The following PRPF40B variants were observed in gnomAD, a reference collection of about 807,000 sequenced individuals.
The protein encoded by PRPF40B is pre-mRNA-processing factor 40 homolog B.
In PRPF40B, 56 loss-of-function variants were observed where a neutral mutation model predicts 124.5. The ratio of observed to expected loss-of-function variants is 0.45; its 90% CI spans 0.36 to 0.56. The LOEUF (loss-of-function observed/expected upper bound fraction) is 0.56. PRPF40B is among the 20% of genes least tolerant of loss of function. The probability of loss-of-function intolerance (pLI) is 0.00; values close to 1 mark genes in which losing one functional copy is unlikely to be tolerated. For missense variants in PRPF40B, 1,053 were observed against 1,169.5 expected (o/e 0.90, Z 1.45); for synonymous variants, 443 against 426.4 (o/e 1.04, Z -0.48).
Position 49,633,523 on chromosome 12 carries a change from C to G in PRPF40B, c.556C>G (p.Pro186Ala), listed in dbSNP as rs1237979849. The change falls in exon 8 of 26, where the codon CCC becomes GCC. Residue 186 changes from proline (P) to alanine (A), a missense_variant. Around this residue, in one of 2 missense-constraint regions of PRPF40B, gnomAD observed 895 missense variants for 1,052.2 expected, o/e 0.85. Coordinates refer to ENST00000548825, the MANE Select transcript of PRPF40B (RefSeq NM_001031698.3). ...GAGTAAAGAGTCCCGCTGGACCCGG[C>G]CCAAGGATCTGGATGACCTAGAGGG... ...NQSKESRWTR[P>A]KDLDDLEVLV... The G allele has an allele frequency of 6.2e-7, 1 of 1,614,106 alleles. No homozygotes were observed. The highest frequency in any genetic ancestry group is 8.5e-7 in the Non-Finnish European group (1 of 1,180,046).
At chr12:49,633,363 G>C in intron 7 of PRPF40B, 64 bp from the exon 8 acceptor site, 2 of 1,606,528 alleles carry the variant, frequency 1.2e-6, no homozygotes, top group Non-Finnish European at 1.7e-6. Flanking sequence ...GGTCCCCTTA[G>C]CTCCCCTGAC....
intron 16 of PRPF40B, 123 bp downstream of exon 16, chr12:49,636,972 T>G: frequency 1.4e-6 from 2 of 1,405,406 alleles, no homozygotes. Flanking sequence ...CTGTCCAAGC[T>G]CTATGAGACC....
intron 9 of PRPF40B, 32 bp downstream of exon 9, chr12:49,633,693 T>C: frequency 1.2e-6 from 2 of 1,614,012 alleles, no homozygotes; most frequent in Non-Finnish European, 1.7e-6. Context: ...CCATTTATAG[T>C]TGGGGCACCT....
At position 49,641,970 on chromosome 12, in the gene PRPF40B, T is replaced by C. The variant is rs1329264821; in HGVS notation, c.1830T>C (p.Phe610=). 6.2e-7 allele frequency: 1 copy of C among 1,613,916 alleles called. No individual in the cohort carries two copies. Among genetic ancestry groups the C allele is most frequent in the East Asian group, 2.2e-5 (1 of 44,886 alleles). Residue 610 remains phenylalanine (F), a synonymous_variant, in exon 19 of 26, where the codon TTT becomes TTC. Transcript: ENST00000548825. ...AFEDFAHVIS[F]DKRAAALDAG... ...AGGACTTCGCCCACGTCATAAGCTT[T>C]GACAAGAGGGCTGCCGCACTGGACG... is the stretch of plus-strand genomic sequence containing the variant.
chr12:49,636,537 C>A, intron 15 of PRPF40B, 179 bp from the exon 16 acceptor site: 1 of 625,860 alleles, frequency 1.6e-6, no homozygotes, highest in Non-Finnish European at 2.7e-6. Context: ...ATTAATGATC[C>A]CCTCTTAAGA....
Position 49,632,995 on chromosome 12 carries a change from T to TGGGGGGGGGGCG in PRPF40B, c.349-18_349-17insGGGGGGGGGCGG. 7.3e-7 allele frequency: 1 copy of TGGGGGGGGGGCG among 1,365,452 alleles called. No homozygotes were observed. The highest frequency in any genetic ancestry group is 1.0e-6 in the Non-Finnish European group (1 of 979,270). 84.6% of individuals were successfully genotyped at this position (1,365,452 alleles called of 1,614,324 possible). The stretch of plus-strand genomic sequence containing the variant: ...AAAAGGGGCCTTGACCACCATTCTG[T>TGGGGGGGGGGCG]GCCCCCCCCCCCACCCAGAGGGCCC... On this transcript the variant is annotated intron_variant, in intron 6 of 25. Coordinates refer to ENST00000548825, the MANE Select transcript of PRPF40B (RefSeq NM_001031698.3).
chr12:49,635,696 TC>T lies in PRPF40B; in HGVS notation c.1276-144del. 1.0e-6 allele frequency: 1 copy of T among 989,676 alleles called. No individual in the cohort carries two copies. The highest frequency in any genetic ancestry group is 1.5e-6 in the Non-Finnish European group (1 of 675,022). 61.3% of individuals were successfully genotyped at this position (989,676 alleles called of 1,614,324 possible). On this transcript the variant is annotated intron_variant, in intron 14 of 25. Coordinates refer to ENST00000548825, the MANE Select transcript of PRPF40B (RefSeq NM_001031698.3). The surrounding 1 kb of genome is among the most constrained non-coding windows in gnomAD (Gnocchi z 4.1). ...TGAGAGATGGGTCTGTAACCTGTACTCCCTCCCCTTCCCTGAGACATGAAAG... is the reference window on the plus strand; with the variant it reads ...TGAGAGATGGGTCTGTAACCTGTACTCCTCCCCTTCCCTGAGACATGAAAG...
chr12:49,631,255 G>C lies in PRPF40B; in HGVS notation c.85-146G>C. 1 of 544,452 alleles carries C rather than the reference G, an allele frequency of 1.8e-6. No homozygotes were observed. Among genetic ancestry groups the C allele is most frequent in the Non-Finnish European group, 3.2e-6 (1 of 308,956 alleles). The allele number at this position is 544,452 out of a possible 1,614,324, so 33.7% of individuals were successfully genotyped here. Reference sequence around the variant, plus strand: ...GGAGGGAGGCAGTTTCATGCCTTGTGCTTCTCAAACTAAAGCCTTGGAATT... The same window carrying C: ...GGAGGGAGGCAGTTTCATGCCTTGTCCTTCTCAAACTAAAGCCTTGGAATT... On this transcript the variant is annotated intron_variant, in intron 2 of 25. Transcript: ENST00000548825. This position sits in a 1 kb window ranked among gnomAD's most constrained non-coding sequence, Gnocchi z 4.3.
intron 7 of PRPF40B, 68 bp downstream of exon 7, chr12:49,633,192 T>A: frequency 1.4e-6 from 2 of 1,399,760 alleles, no homozygotes; most frequent in Admixed American, 2.0e-5. Context: ...TGGCCTTCCC[T>A]TAGTCTCTAA....
chr12:49,631,623 G>A lies in PRPF40B; in HGVS notation c.228+79G>A. 6.7e-7 allele frequency: 1 copy of A among 1,489,226 alleles called. No individual in the cohort carries two copies. The allele number at this position is 1,489,226 out of a possible 1,614,324, so 92.3% of individuals were successfully genotyped here. A position where few individuals can be genotyped will look rare whatever the true frequency, so the allele number is the denominator to read the frequency against. ...GGTGGAGATAAGAGCGGGCATGTAG[G>A]CCTCAGAAACTGGGGAAGGAAGGGA... On this transcript the variant is annotated intron_variant, in intron 3 of 25. Coordinates refer to ENST00000548825, the MANE Select transcript of PRPF40B (RefSeq NM_001031698.3). This position sits in a 1 kb window ranked among gnomAD's most constrained non-coding sequence, Gnocchi z 4.3.
Position 49,635,005 on chromosome 12 carries a change from C to A in PRPF40B, c.1002-94C>A. 7.6e-7 allele frequency: 1 copy of A among 1,315,030 alleles called. No homozygotes were observed. The highest frequency in any genetic ancestry group is 1.0e-6 in the Non-Finnish European group (1 of 962,904). 81.5% of individuals were successfully genotyped at this position (1,315,030 alleles called of 1,614,324 possible). ...GACATCTGTGCCCTTGGAGCCCCTGCAGCCTGCAGTGTCTCATGACCCTCC... is the reference window on the plus strand; with the variant it reads ...GACATCTGTGCCCTTGGAGCCCCTGAAGCCTGCAGTGTCTCATGACCCTCC... On this transcript the variant is annotated intron_variant, in intron 12 of 25. Coordinates refer to ENST00000548825, the MANE Select transcript of PRPF40B (RefSeq NM_001031698.3). The surrounding 1 kb of genome is among the most constrained non-coding windows in gnomAD (Gnocchi z 4.1).
Position 49,623,606 on chromosome 12 carries a change from C to A in PRPF40B, c.3+13C>A. On this transcript the variant is annotated intron_variant, in intron 1 of 25. Transcript: ENST00000548825. ...AGGCTCTGGCATGGTAACATCCCCG[C>A]GCGGGGGTGGAGGGGCTCGGGGCGG... 8.1e-7 allele frequency: 1 copy of A among 1,232,998 alleles called. No individual in the cohort carries two copies. The highest frequency in any genetic ancestry group is 1.0e-6 in the Non-Finnish European group (1 of 988,408). 76.4% of individuals were successfully genotyped at this position (1,232,998 alleles called of 1,614,324 possible).
Position 49,631,528 on chromosome 12 carries a change from C to T in PRPF40B, c.212C>T (p.Pro71Leu). ...CCAATGCTTCCACCAATGGGGGCGC[C>T]ACCACCACTCACACAGGTAATTGTC... ...LPPMLPPMGA[P>L]PPLTQIPGMV... The change falls in exon 3 of 26, where the codon CCA (proline) becomes CTA (leucine). Residue 71 changes from proline to leucine, a missense_variant. Physicochemically the swap from Pro to Leu is moderately conservative, Grantham distance 98. Around this residue, in one of 2 missense-constraint regions of PRPF40B, gnomAD observed 158 missense variants for 117.3 expected, o/e 1.35. Transcript: ENST00000548825. This position sits in a 1 kb window ranked among gnomAD's most constrained non-coding sequence, Gnocchi z 4.3. 1.9e-6 allele frequency: 3 copies of T among 1,549,884 alleles called. No homozygotes were observed. Among genetic ancestry groups the T allele is most frequent in the East Asian group, 4.5e-5 (2 of 43,980 alleles).
Position 49,633,967 on chromosome 12 carries a change from C to A in PRPF40B, c.687C>A (p.Gly229=). 1 of 1,614,224 alleles carries A rather than the reference C, an allele frequency of 6.2e-7. No homozygotes were observed. Residue 229 remains glycine, a synonymous_variant, in exon 10 of 26, where the codon GGC becomes GGA. Transcript: ENST00000548825. ...CTGACCCCCCACCTGTGCCTCCTGG[C>A]CCCACCCCAGTGCCCACAGGCCTCC... ...PQPDPPPVPP[G]PTPVPTGLLE...
In PRPF40B at chr12:49,642,044, G is replaced by A. The variant is rs779567676; in HGVS notation, c.1884+20G>A. 1.5e-5 allele frequency: 24 copies of A among 1,608,312 alleles called. No individual in the cohort carries two copies. The highest frequency in any genetic ancestry group is 8.8e-5 in the South Asian group (8 of 91,038). ...AATAGTGTGAGGGGCTGGGCGGGGC[G>A]TGGGAAGTTCTCTAATTCATCTGTG... On this transcript the variant is annotated intron_variant, in intron 19 of 25. Coordinates refer to ENST00000548825, the MANE Select transcript of PRPF40B (RefSeq NM_001031698.3). This position sits in a 1 kb window ranked among gnomAD's most constrained non-coding sequence, Gnocchi z 5.8.
intron 16 of PRPF40B, 180 bp downstream of exon 16, chr12:49,637,029 C>A: frequency 2.2e-6 from 2 of 921,678 alleles, no homozygotes; most frequent in Non-Finnish European, 3.2e-6. Flanking sequence ...CAATTCTGGA[C>A]TGTGCTCTTC....
At chr12:49,633,313 C>A in intron 7 of PRPF40B, 114 bp from the exon 8 acceptor site, 2 of 1,457,418 alleles carry the variant, frequency 1.4e-6, no homozygotes, top group Non-Finnish European at 1.9e-6. Context: ...TTGAACCAGG[C>A]CAGGTGGTAG....
chr12:49,641,839 A>G (rs1286725289), intron 18 of PRPF40B, 69 bp from the exon 19 acceptor site: 5 of 1,320,958 alleles, frequency 3.8e-6, no homozygotes, highest in Non-Finnish European at 5.4e-6. Flanking sequence ...CTGTAATGTG[A>G]CCACTCTGCC....
intron 4 of PRPF40B, 102 bp downstream of exon 4, chr12:49,632,027 G>C: frequency 1.7e-6 from 2 of 1,194,492 alleles, no homozygotes; most frequent in Admixed American, 3.4e-5. Flanking sequence ...TCTTCTCATC[G>C]CATCCACCCA....
Sources: allele counts gnomAD v4.1 joint callset, GRCh38; gene constraint gnomAD v4.1.1; regional missense constraint gnomAD v4.1.1; non-coding constraint Gnocchi (gnomAD v3.1); transcripts MANE v1.5; gene names NCBI Gene and HGNC (gene_info 2026-07-23, HGNC 2026-07-21).